Variants in USP24 observed in about 807,000 individuals in gnomAD.
USP24 encodes the protein ubiquitin carboxyl-terminal hydrolase 24.
USP24 carries 97 observed loss-of-function variants against 361.6 expected under a neutral mutation model. The ratio of observed to expected loss-of-function variants is 0.27; its 90% CI spans 0.23 to 0.32. The LOEUF is 0.32. Among genes scored for constraint, USP24 ranks in the 10% least tolerant of loss-of-function variants. The probability of loss-of-function intolerance (pLI) is 1.00; values close to 1 mark genes in which losing one functional copy is unlikely to be tolerated. For missense variants in USP24, 2,353 were observed against 3,165.6 expected, an observed-to-expected ratio of 0.74 and a Z score of 6.16; for synonymous variants, 1,098 against 1,124.6, an observed-to-expected ratio of 0.98 and a Z score of 0.47.
intron 55 of USP24, 98 bp from the exon 56 acceptor site, chr1:55,086,136 TAG>T (rs754281018): frequency 8.6e-6 from 10 of 1,157,872 alleles, no homozygotes; most frequent in Non-Finnish European, 1.1e-5. Context: ...GAAACAAAAG[TAG>T]AGTCTCCTGA....
At chr1:55,104,376 G>A (rs546611918) in intron 41 of USP24, among the ~76,000 whole-genome samples, 23 of 152,098 alleles carry the variant, frequency 1.5e-4, no homozygotes, top group Admixed American at 5.2e-4. Context: ...AGATTTTATC[G>A]CTGTCATCCT....
Position 55,098,529 on chromosome 1 carries a change from A to T in USP24, c.5400T>A (p.Asn1800Lys), listed in dbSNP as rs769044787. Reference sequence around the variant, plus strand: ...GATCAGAGTAGATGCCCTGAAATGTATTCTTAAAAATTTGGTCTCTCCCCA... The same window carrying T: ...GATCAGAGTAGATGCCCTGAAATGTTTTCTTAAAAATTTGGTCTCTCCCCA... ...KKMGRDQIFK[N>K]TFQGIYSDQK... Residue 1800 changes from asparagine to lysine, a missense_variant, in exon 46 of 68, where the codon AAT becomes AAA. Around this residue, in one of 8 missense-constraint regions of USP24, gnomAD observed 105 missense variants for 200.3 expected, o/e 0.52. Transcript: ENST00000294383. The T allele has an allele frequency of 1.2e-6, 2 of 1,612,590 alleles. No individual in the cohort carries two copies. Among genetic ancestry groups the T allele is most frequent in the Admixed American group, 3.3e-5 (2 of 59,902 alleles).
At chr1:55,132,268 G>C (rs1046821743) in intron 31 of USP24, among the ~76,000 whole-genome samples, 2 of 152,132 alleles carry the variant, frequency 1.3e-5, no homozygotes. Context: ...GGACTCCCTA[G>C]CCACTCCAAC....
intron 39 of USP24, among the ~76,000 whole-genome samples, chr1:55,109,786 TTACAAC>T (rs1335991312): frequency 1.3e-5 from 2 of 152,162 alleles, no homozygotes; most frequent in Non-Finnish European, 2.9e-5. Context: ...CCATGATACT[TTACAAC>T]TAACACTAAT....
chr1:55,197,825 C>G (rs1249183543), intron 1 of USP24, among the ~76,000 whole-genome samples: 1 of 152,224 alleles, frequency 6.6e-6, no homozygotes, highest in African/African-American at 2.4e-5. Flanking sequence ...CAACTGAAAT[C>G]TATCTCCACA....
chr1:55,137,790 G>A lies in USP24; in HGVS notation c.3027+16C>T. 1 of 1,561,152 alleles carries A rather than the reference G, an allele frequency of 6.4e-7. No homozygotes were observed. Among genetic ancestry groups the A allele is most frequent in the Non-Finnish European group, 8.7e-7 (1 of 1,151,770 alleles). On this transcript the variant is annotated intron_variant, in intron 27 of 67. Coordinates refer to ENST00000294383, the MANE Select transcript of USP24 (RefSeq NM_015306.3). Reference sequence around the variant, plus strand: ...ATATCATTTATTATTCATCAAAACTGCTTATTTAAACCTACCAGGCTATCA... The same window carrying A: ...ATATCATTTATTATTCATCAAAACTACTTATTTAAACCTACCAGGCTATCA...
At chr1:55,077,346 T>C in intron 61 of USP24, 46 bp from the exon 62 acceptor site, 1 of 1,506,580 alleles carries the variant, frequency 6.6e-7, no homozygotes, top group Non-Finnish European at 9.0e-7. Flanking sequence ...GAAAGCATAT[T>C]GGAATGGCAA....
At position 55,083,777 on chromosome 1, in the gene USP24, G is replaced by T; in HGVS notation, c.6877C>A (p.Gln2293Lys). ...TTAGGAAAAAAATTATTTACCTTTT[G>T]TACAAAAGTGTTGAACAGGAAAAAG... The part of the protein sequence containing the change: ...QYFFLFNTFV[Q>K]KQGIRAGDLL... The change falls in exon 57 of 68, where the codon CAA (glutamine) becomes AAA (lysine). Residue 2293 changes from glutamine (Q) to lysine (K), a missense_variant. Gln to Lys is a moderately conservative substitution (Grantham distance 53, BLOSUM62 1). This residue lies in a region of USP24 where 598 missense variants were observed against 761.9 expected (regional missense o/e 0.78). Coordinates refer to ENST00000294383, the MANE Select transcript of USP24 (RefSeq NM_015306.3). The T allele has an allele frequency of 6.3e-7, 1 of 1,577,916 alleles. No homozygotes were observed. The highest frequency in any genetic ancestry group is 8.6e-7 in the Non-Finnish European group (1 of 1,162,382).
intron 41 of USP24, 70 bp downstream of exon 41, chr1:55,106,076 A>C (rs1364852085): frequency 2.0e-5 from 25 of 1,231,276 alleles, no homozygotes; most frequent in Non-Finnish European, 2.9e-5. Flanking sequence ...CAAGTTAACA[A>C]AATCTTTTGG....
intron 62 of USP24, 57 bp from the exon 63 acceptor site, chr1:55,075,580 G>T: frequency 7.6e-7 from 1 of 1,316,458 alleles, no homozygotes; most frequent in East Asian, 2.5e-5. Context: ...TCATAGCCAC[G>T]GGTGCTTTCT....
At chr1:55,207,201 C>T (rs1644732057) in intron 1 of USP24, among the ~76,000 whole-genome samples, 1 of 150,916 alleles carries the variant, frequency 6.6e-6, no homozygotes, top group East Asian at 2.0e-4. Context: ...AAATGCTTCA[C>T]ACTATAGATT....
At chr1:55,081,452 T>C in intron 58 of USP24, 28 bp from the exon 59 acceptor site, 1 of 1,602,074 alleles carries the variant, frequency 6.2e-7, no homozygotes, top group Non-Finnish European at 8.6e-7. Context: ...AAAGTGGCTG[T>C]TAGTGTTGTC....
chr1:55,151,589 G>T (rs990350760), intron 16 of USP24, among the ~76,000 whole-genome samples: 3 of 151,112 alleles, frequency 2.0e-5, no homozygotes, highest in Admixed American at 6.6e-5. Flanking sequence ...GAAAAATGAG[G>T]TTTTTTTTTG....
chr1:55,121,744 ACATAC>A (rs1646288291), intron 36 of USP24, among the ~76,000 whole-genome samples: 1 of 152,240 alleles, frequency 6.6e-6, no homozygotes, highest in Non-Finnish European at 1.5e-5. Context: ...AATGCCTTGC[ACATAC>A]CAGTTACAGA....
intron 59 of USP24, among the ~76,000 whole-genome samples, chr1:55,080,886 A>G (rs1258675779): frequency 6.6e-6 from 1 of 152,186 alleles, no homozygotes; most frequent in African/African-American, 2.4e-5. Context: ...GTTTTTACAA[A>G]GTACTTTATC....
At chr1:55,138,837 G>T in intron 25 of USP24, 107 bp downstream of exon 25, 4 of 1,305,384 alleles carry the variant, frequency 3.1e-6, no homozygotes, top group Non-Finnish European at 4.3e-6. Flanking sequence ...AGGCTAACTG[G>T]GTGTGGTGGT....
intron 34 of USP24, among the ~76,000 whole-genome samples, chr1:55,125,043 TAACATAAA>T (rs1646387572): frequency 6.6e-6 from 1 of 152,168 alleles, no homozygotes; most frequent in African/African-American, 2.4e-5. Flanking sequence ...ATGCCATCTA[TAACATAAA>T]ATCACCCATC....
chr1:55,069,233 T>C (rs1644870511), intron 67 of USP24, 126 bp from the exon 68 acceptor site: 2 of 817,504 alleles, frequency 2.4e-6, no homozygotes, highest in African/African-American at 3.4e-5. Context: ...CAAAGGGTAA[T>C]AAAATGTGAT....
At chr1:55,172,609 GATT>G (rs1649565476) in intron 3 of USP24, 89 bp from the exon 4 acceptor site, 1 of 1,360,488 alleles carries the variant, frequency 7.4e-7, no homozygotes, top group African/African-American at 1.5e-5. Context: ...ATAAGTGAGA[GATT>G]ATGATGAAAA....
Sources: gnomAD v4.1 joint callset for allele counts (sites outside exome capture counted in the v4.1 genomes callset) on GRCh38, gnomAD v4.1.1 for gene constraint, gnomAD v4.1.1 regional missense constraint, MANE v1.5 for transcripts, NCBI Gene and HGNC (gene_info 2026-07-23, HGNC 2026-07-21) for gene names.